The following CDKL2 variants were observed in gnomAD, a reference collection of about 807,000 sequenced individuals.
CDKL2 encodes the protein cyclin dependent kinase like 2.
Under a neutral mutation model 63.9 loss-of-function variants are expected in CDKL2, and 64 were observed. The observed-to-expected ratio is 1.00, with a 90% CI of 0.82 to 1.23. The LOEUF (loss-of-function observed/expected upper bound fraction) is 1.23. Among genes scored for constraint, CDKL2 ranks in the 50% most tolerant of loss-of-function variants. The pLI, the probability that CDKL2 is intolerant of heterozygous loss-of-function variation, is 0.00. For synonymous variants in CDKL2, 211 were observed against 229.2 expected, an observed-to-expected ratio of 0.92 and a Z score of 0.72; for missense variants, 656 against 668.0, an observed-to-expected ratio of 0.98 and a Z score of 0.20.
intron 1 of CDKL2, among the ~76,000 whole-genome samples, chr4:75,627,725 T>TCTTTC (rs1553931942): frequency 8.7e-6 from 1 of 115,190 alleles, no homozygotes; most frequent in African/African-American, 3.0e-5. Flanking sequence ...TCTTTACTTT[T>TCTTTC]TTTTTCTTTT....
At chr4:75,602,709 A>C (rs1334593594) in intron 6 of CDKL2, among the ~76,000 whole-genome samples, 1 of 151,754 alleles carries the variant, frequency 6.6e-6, no homozygotes, top group African/African-American at 2.4e-5. Flanking sequence ...TTTCTAATAG[A>C]GATGGGGTTT....
In CDKL2 at chr4:75,603,816, C is replaced by T; in HGVS notation, c.795+1G>A. 4 of 1,590,518 alleles carry T rather than the reference C, an allele frequency of 2.5e-6. No individual in the cohort carries two copies. Among genetic ancestry groups the T allele is most frequent in the South Asian group, 1.1e-5 (1 of 87,448 alleles). ...AAAGTGTAAACAATAAGTATGATTA[C>T]CTTTGCTAAATCTATCACCACTTCA... On this transcript the variant is annotated splice_donor_variant, in intron 6 of 13. Coordinates refer to ENST00000307465, the MANE Select transcript of CDKL2 (RefSeq NM_001330724.2). LOFTEE classifies it high-confidence loss of function.
Position 75,603,905 on chromosome 4 carries a change from G to A in CDKL2, c.707C>T (p.Ala236Val). The change falls in exon 6 of 14, where the codon GCT (alanine) becomes GTT (valine). Residue 236 changes from alanine to valine, a missense_variant. Coordinates refer to ENST00000307465, the MANE Select transcript of CDKL2 (RefSeq NM_001330724.2). ...CTTGATTTCAGGCAACCTTACTCCA[G>A]CAAACACAGGATTTTTATTAAAAAG... is the stretch of plus-strand genomic sequence containing the variant. ...QELFNKNPVF[A>V]GVRLPEIKER... 1 of 1,613,450 alleles carries A rather than the reference G, an allele frequency of 6.2e-7. No homozygotes were observed. The highest frequency in any genetic ancestry group is 8.5e-7 in the Non-Finnish European group (1 of 1,179,732).
chr4:75,582,443 AG>A (rs1325397041), intron 12 of CDKL2, among the ~76,000 whole-genome samples: 1 of 152,222 alleles, frequency 6.6e-6, no homozygotes, highest in African/African-American at 2.4e-5. Flanking sequence ...TAAAGTAAAA[AG>A]TCAGAGAACT....
In CDKL2 at chr4:75,607,282, G is replaced by C. The variant is rs749292580; in HGVS notation, c.443C>G (p.Ala148Gly). The C allele has an allele frequency of 5.0e-6, 8 of 1,613,840 alleles. No individual in the cohort carries two copies. Among genetic ancestry groups the C allele is most frequent in the Non-Finnish European group, 5.1e-6 (6 of 1,179,792 alleles). ...CTCCCCAGGAGCTGCCAATGTTCGCGCAAATCCAAAATCGCATAGCTTGAC... is the reference window on the plus strand; with the variant it reads ...CTCCCCAGGAGCTGCCAATGTTCGCCCAAATCCAAAATCGCATAGCTTGAC... ...GVVKLCDFGF[A>G]RTLAAPGEVY... Residue 148 changes from alanine to glycine, a missense_variant, in exon 4 of 14, where the codon GCG (alanine) becomes GGG (glycine). Transcript: ENST00000307465.
chr4:75,621,590 C>T (rs571822844), intron 2 of CDKL2, among the ~76,000 whole-genome samples: 1 of 151,734 alleles, frequency 6.6e-6, no homozygotes, highest in South Asian at 2.1e-4. Context: ...AGTGGCTATT[C>T]ACAGGCATGA....
In CDKL2 at chr4:75,577,385, G is replaced by A. The variant is rs1487605047; in HGVS notation, c.*1817C>T. Among the ~76,000 whole-genome samples the A allele has an allele frequency of 6.6e-6, 1 of 152,108 alleles. No homozygotes were observed. Among genetic ancestry groups the A allele is most frequent in the Non-Finnish European group, 1.5e-5 (1 of 68,018 alleles). ...TTCTGCCACAGTTCTAATCAGATAT[G>A]ATCCTCAAGTCATAACTTGGACTTA... On this transcript the variant is annotated 3_prime_UTR_variant, in exon 14 of 14. Coordinates refer to ENST00000307465, the MANE Select transcript of CDKL2 (RefSeq NM_001330724.2).
rs763635807 is a variant in CDKL2, at chr4:75,625,871, C to T, written c.118G>A (p.Asp40Asn). ...VAIKKFLESD[D>N]DKMVKKIAMR... ...GCAATCTTTTTAACCATTTTGTCAT[C>T]GTCACTTTCTAAGAACTTCTTTATG... Residue 40 changes from aspartate to asparagine, a missense_variant, in exon 2 of 14, where the codon GAT becomes AAT. By Grantham distance (23) the Asp-to-Asn change is conservative. Transcript: ENST00000307465. The T allele has an allele frequency of 3.1e-6, 5 of 1,613,146 alleles. No individual in the cohort carries two copies. Among genetic ancestry groups the T allele is most frequent in the African/African-American group, 1.3e-5 (1 of 74,986 alleles).
intron 1 of CDKL2, among the ~76,000 whole-genome samples, chr4:75,628,013 TATTAA>T (rs1024590446): frequency 4.6e-5 from 7 of 151,472 alleles, no homozygotes; most frequent in African/African-American, 1.5e-4. Flanking sequence ...TTAATGTAAT[TATTAA>T]ATTAAATTAA....
At chr4:75,627,639 T>C (rs1730480497) in intron 1 of CDKL2, among the ~76,000 whole-genome samples, 1 of 152,074 alleles carries the variant, frequency 6.6e-6, no homozygotes, top group Admixed American at 6.6e-5. Context: ...GAAATACTTA[T>C]GCACCTTCCA....
At chr4:75,607,526 C>T (rs187686719) in intron 3 of CDKL2, among the ~76,000 whole-genome samples, 165 bp from the exon 4 acceptor site, 6 of 152,256 alleles carry the variant, frequency 3.9e-5, no homozygotes, top group East Asian at 1.9e-4. Context: ...CAAGAAAGAA[C>T]ATCTATACTT....
chr4:75,591,667 G>A, intron 12 of CDKL2, among the ~76,000 whole-genome samples, 152 bp downstream of exon 12: 1 of 152,098 alleles, frequency 6.6e-6, no homozygotes, highest in Non-Finnish European at 1.5e-5. Flanking sequence ...GGTACTAAGT[G>A]CAATGAATCA....
At chr4:75,622,715 CAAAAAAAAAAAAA>C (rs1171964321) in intron 2 of CDKL2, among the ~76,000 whole-genome samples, 12 of 13,962 alleles carry the variant, frequency 8.6e-4, no homozygotes, top group South Asian at 0.023. Context: ...AAGACTCCAT[CAAAAAAAAAAAAA>C]AAAAAAAAAA....
chr4:75,619,811 G>GC (rs1263587519), intron 2 of CDKL2, among the ~76,000 whole-genome samples: 1 of 152,120 alleles, frequency 6.6e-6, no homozygotes, highest in East Asian at 1.9e-4. Flanking sequence ...CTGGCACAGT[G>GC]CCCATGAACA....
At position 75,577,508 on chromosome 4, in the gene CDKL2, T is replaced by A. The variant is rs535183914; in HGVS notation, c.*1694A>T. Among the ~76,000 whole-genome samples the A allele has an allele frequency of 1.3e-5, 2 of 152,296 alleles. No individual in the cohort carries two copies. Among genetic ancestry groups the A allele is most frequent in the South Asian group, 4.1e-4 (2 of 4,828 alleles). On this transcript the variant is annotated 3_prime_UTR_variant, in exon 14 of 14. Coordinates refer to ENST00000307465, the MANE Select transcript of CDKL2 (RefSeq NM_001330724.2). ...AGTATAAAAACTGCAAGGCAATTGATCCTAGAACCTCAACCATTGAGCTGA... is the reference window on the plus strand; with the variant it reads ...AGTATAAAAACTGCAAGGCAATTGAACCTAGAACCTCAACCATTGAGCTGA...
At chr4:75,595,339 T>C (rs1319842609) in intron 10 of CDKL2, among the ~76,000 whole-genome samples, 2 of 151,910 alleles carry the variant, frequency 1.3e-5, no homozygotes, top group Non-Finnish European at 1.5e-5. Context: ...GCCTCCCAAG[T>C]AGCTAGGACT....
chr4:75,601,126 T>A (rs146633606), intron 6 of CDKL2, among the ~76,000 whole-genome samples: 3 of 152,280 alleles, frequency 2.0e-5, no homozygotes, highest in African/African-American at 7.2e-5. Context: ...CCAATTGCAA[T>A]CTATAGTCTT....
At chr4:75,610,158 G>A (rs1297569584) in intron 3 of CDKL2, among the ~76,000 whole-genome samples, 1 of 150,900 alleles carries the variant, frequency 6.6e-6, no homozygotes, top group African/African-American at 2.4e-5. Flanking sequence ...AGCCGAAATC[G>A]AGCCACTGCA....
intron 9 of CDKL2, 145 bp downstream of exon 9, chr4:75,596,790 A>C: frequency 1.4e-6 from 1 of 698,610 alleles, no homozygotes; most frequent in East Asian, 2.7e-5. Flanking sequence ...CACACAGCCA[A>C]AAAGTCTTTT....
Sources: allele counts gnomAD v4.1 joint callset (sites outside exome capture counted in the v4.1 genomes callset), GRCh38; gene constraint gnomAD v4.1.1; transcripts MANE v1.5; gene names NCBI Gene and HGNC (gene_info 2026-07-23, HGNC 2026-07-21).